The following ADGRL3 variants were observed in gnomAD, a reference collection of about 807,000 sequenced individuals.
The protein encoded by ADGRL3 is calcium-independent alpha-latrotoxin receptor 3.
In ADGRL3, 62 loss-of-function variants were observed where a neutral mutation model predicts 153.5. The observed-to-expected ratio is 0.40, with a 90% confidence interval of 0.33 to 0.50. ADGRL3 has a LOEUF of 0.50. Ranked by LOEUF, ADGRL3 falls within the 20% of genes least tolerant of loss-of-function variation. The pLI, the probability that ADGRL3 is intolerant of heterozygous loss-of-function variation, is 0.47. For synonymous variants in ADGRL3, 710 were observed against 672.5 expected, an observed-to-expected ratio of 1.06 and a Z score of -0.86; for missense variants, 1,641 against 1,859.4, an observed-to-expected ratio of 0.88 and a Z score of 2.16.
intron 1 of ADGRL3, among the ~76,000 whole-genome samples, chr4:61,262,204 A>G (rs1251846439): frequency 6.6e-6 from 1 of 152,188 alleles, no homozygotes; most frequent in East Asian, 1.9e-4. Flanking sequence ...TCATTCAGCC[A>G]TCTATGACAA....
intron 1 of ADGRL3, among the ~76,000 whole-genome samples, chr4:61,344,213 T>C (rs2095856933): frequency 1.3e-5 from 2 of 152,210 alleles, no homozygotes; most frequent in African/African-American, 4.8e-5. Flanking sequence ...AAAAAGAAGA[T>C]TTCTTTAAGA....
At chr4:61,505,644 A>C (rs1452296208) in intron 3 of ADGRL3, among the ~76,000 whole-genome samples, 1 of 152,068 alleles carries the variant, frequency 6.6e-6, no homozygotes, top group Non-Finnish European at 1.5e-5. Flanking sequence ...ATCTTTGTTC[A>C]AATTATAAAT....
At chr4:61,897,358 C>T (rs537114707) in intron 11 of ADGRL3, among the ~76,000 whole-genome samples, 20 of 152,246 alleles carry the variant, frequency 1.3e-4, no homozygotes, top group Non-Finnish European at 2.5e-4. Flanking sequence ...TAACAAGAGG[C>T]TTTTGAGCAT....
rs563637275 is a variant in ADGRL3 at position 61,646,357 on chromosome 4, C to T, written c.474-30469C>T. 9.7e-4 allele frequency among the ~76,000 whole-genome samples: 148 copies of T among 152,052 alleles called. 1 individual carries two copies. The East Asian group carries it at 0.021, about 22-fold the overall frequency. ...CTGCGTTCCTTTGGAGGAGGAGAGG[C>T]ACTCTGCTTTTTAGAGTTTCCAGTT... On this transcript the variant is annotated intron_variant, in intron 5 of 26. Transcript: ENST00000683033.
chr4:61,641,542 T>A (rs2093673169), intron 5 of ADGRL3, among the ~76,000 whole-genome samples: 2 of 150,864 alleles, frequency 1.3e-5, no homozygotes, highest in Non-Finnish European at 3.0e-5. Context: ...CAGTGTTTGG[T>A]TTTTTGTTCT....
At chr4:61,221,898 C>T (rs1745764466) in intron 1 of ADGRL3, among the ~76,000 whole-genome samples, 1 of 151,858 alleles carries the variant, frequency 6.6e-6, no homozygotes, top group Non-Finnish European at 1.5e-5. Context: ...TCAGCATGCT[C>T]CTAGTGAAAA....
intron 15 of ADGRL3, 124 bp from the exon 16 acceptor site, chr4:61,946,790 T>A (rs1404329584): frequency 1.3e-6 from 1 of 742,056 alleles, no homozygotes; most frequent in African/African-American, 1.8e-5. Context: ...CTTGGTACTT[T>A]GGTTGAAATG....
At chr4:61,298,050 C>T (rs2094468722) in intron 1 of ADGRL3, among the ~76,000 whole-genome samples, 1 of 152,088 alleles carries the variant, frequency 6.6e-6, no homozygotes, top group African/African-American at 2.4e-5. Flanking sequence ...GAAGAATCAG[C>T]TCTTCAAGAT....
intron 9 of ADGRL3, among the ~76,000 whole-genome samples, chr4:61,831,337 G>A (rs1241414147): frequency 7.5e-6 from 1 of 133,666 alleles, no homozygotes; most frequent in Admixed American, 8.8e-5. Flanking sequence ...TAGGCTTAAA[G>A]AAACCATGCA....
chr4:61,729,204 A>G (rs1030587318), intron 6 of ADGRL3, among the ~76,000 whole-genome samples: 17 of 151,956 alleles, frequency 1.1e-4, no homozygotes, highest in Admixed American at 5.9e-4. Flanking sequence ...ATGCCAAAAT[A>G]AAAGTTGAAA....
rs1338769443 is a variant in ADGRL3 at position 61,970,268 on chromosome 4, AC to A, written c.2806-9294del. On this transcript the variant is annotated intron_variant, in intron 17 of 26. Coordinates refer to ENST00000683033, the MANE Select transcript of ADGRL3 (RefSeq NM_001387552.1). Reference sequence around the variant, plus strand: ...GTTATTACTGCTATCATCATTAGTCACTTTATTTAACTCAGAAATGCTAAGG... The same window carrying A: ...GTTATTACTGCTATCATCATTAGTCATTTATTTAACTCAGAAATGCTAAGG... Among the ~76,000 whole-genome samples the A allele has an allele frequency of 8.3e-4, 126 of 152,100 alleles. 4 individuals carry two copies. The highest frequency in any genetic ancestry group is 8.2e-3 in the Admixed American group (125 of 15,244).
intron 1 of ADGRL3, among the ~76,000 whole-genome samples, chr4:61,325,858 AG>A (rs1343899020): frequency 3.3e-5 from 5 of 152,234 alleles, no homozygotes; most frequent in Admixed American, 6.5e-5. Flanking sequence ...AGTGAATAAA[AG>A]TCATGATTAC....
intron 6 of ADGRL3, among the ~76,000 whole-genome samples, chr4:61,694,867 A>T (rs2095611833): frequency 6.6e-6 from 1 of 152,212 alleles, no homozygotes; most frequent in Non-Finnish European, 1.5e-5. Context: ...TGTCGTTTTA[A>T]CAATTTTCAC....
In ADGRL3 at chr4:62,051,095, G is replaced by GAT. The variant is rs575908177; in HGVS notation, c.3814+6556_3814+6557dup. On this transcript the variant is annotated intron_variant, in intron 25 of 26. Coordinates refer to ENST00000683033, the MANE Select transcript of ADGRL3 (RefSeq NM_001387552.1). Reference sequence around the variant, plus strand: ...TGTGTGTATATATATATACACAAAGGATATATATATACAAAGAATATGTGT... The same window carrying GAT: ...TGTGTGTATATATATATACACAAAGGATATATATATATACAAAGAATATGTGT... Among the ~76,000 whole-genome samples, 182 of 143,386 alleles carry GAT rather than the reference G, an allele frequency of 1.3e-3. 1 individual carries two copies. The South Asian group carries it at 0.013, about 11-fold the overall frequency. The allele number at this position is 143,386 out of a possible 152,430, so 94.1% of individuals were successfully genotyped here.
rs532213626 is a variant in ADGRL3 at position 61,764,345 on chromosome 4, G to A, written c.1399+30791G>A. Among the ~76,000 whole-genome samples the A allele has an allele frequency of 4.0e-4, 60 of 151,694 alleles. 1 individual carries two copies. The highest frequency in any genetic ancestry group is 1.2e-3 in the African/African-American group (49 of 41,248). ...AGCGAAGGGAGATAAGGGTGGGGCC[G>A]TTTTATAGGATTTGGGTAGGTAAAG... is the stretch of plus-strand genomic sequence containing the variant. On this transcript the variant is annotated intron_variant, in intron 8 of 26. Coordinates refer to ENST00000683033, the MANE Select transcript of ADGRL3 (RefSeq NM_001387552.1).
intron 14 of ADGRL3, 150 bp downstream of exon 14, chr4:61,935,173 T>C (rs1020616306): frequency 1.5e-6 from 1 of 653,292 alleles, no homozygotes; most frequent in African/African-American, 1.8e-5. Context: ...AGGGCATCAC[T>C]TGTCATTGGC....
At chr4:61,434,657 A>C (rs1387585022) in intron 2 of ADGRL3, among the ~76,000 whole-genome samples, 3 of 152,070 alleles carry the variant, frequency 2.0e-5, no homozygotes, top group Non-Finnish European at 4.4e-5. Flanking sequence ...TTTCATTTGC[A>C]GTAATTTTGA....
chr4:61,952,289 C>T (rs931789460), intron 17 of ADGRL3, among the ~76,000 whole-genome samples: 2 of 151,938 alleles, frequency 1.3e-5, no homozygotes, highest in Admixed American at 6.6e-5. Context: ...CCAGCCTGGG[C>T]AACATAGTGA....
At chr4:61,328,426 T>G (rs1335564303) in intron 1 of ADGRL3, among the ~76,000 whole-genome samples, 1 of 152,136 alleles carries the variant, frequency 6.6e-6, no homozygotes, top group Non-Finnish European at 1.5e-5. Context: ...AGTGATCTCA[T>G]TATATGTTAA....
Sources: allele counts gnomAD v4.1 joint callset (sites outside exome capture counted in the v4.1 genomes callset), GRCh38; gene constraint gnomAD v4.1.1; transcripts MANE v1.5; gene names NCBI Gene and HGNC (gene_info 2026-07-23, HGNC 2026-07-21).